The following SYT1 variants were observed in gnomAD, a reference collection of about 807,000 sequenced individuals.
SYT1 encodes the protein synaptotagmin-1.
A neutral mutation model predicts 44.8 loss-of-function variants in SYT1; 8 were observed. The ratio of observed to expected loss-of-function variants is 0.18; its 90% CI spans 0.10 to 0.32. The LOEUF (loss-of-function observed/expected upper bound fraction) is 0.32, where lower values mean the gene tolerates loss of function less well. Among genes scored for constraint, SYT1 ranks in the 10% least tolerant of loss-of-function variants. The probability of loss-of-function intolerance (pLI) is 1.00; values close to 1 mark genes in which losing one functional copy is unlikely to be tolerated. For missense variants in SYT1, 286 were observed against 509.3 expected, an observed-to-expected ratio of 0.56 and a Z score of 4.22; for synonymous variants, 154 against 188.8, an observed-to-expected ratio of 0.82 and a Z score of 1.51.
intron 1 of SYT1, among the ~76,000 whole-genome samples, chr12:78,875,273 G>T (rs73347896): frequency 0.017 from 2,567 of 151,668 alleles, 70 homozygotes; most frequent in African/African-American, 0.059. Context: ...GGCACCATTT[G>T]GATGCTGGGG....
intron 9 of SYT1, among the ~76,000 whole-genome samples, chr12:79,427,456 G>A (rs548339385): frequency 9.1e-4 from 139 of 152,312 alleles, no homozygotes; most frequent in South Asian, 6.6e-3. Flanking sequence ...CCCACTGTGT[G>A]CCATCAGGTT....
chr12:78,872,255 G>T (rs1565695362), intron 1 of SYT1, among the ~76,000 whole-genome samples: 1 of 151,308 alleles, frequency 6.6e-6, no homozygotes. Flanking sequence ...CCAACGACTT[G>T]TTTTTTTTCT....
intron 1 of SYT1, among the ~76,000 whole-genome samples, chr12:78,877,787 C>G (rs558461983): frequency 3.4e-4 from 51 of 151,748 alleles, no homozygotes; most frequent in African/African-American, 1.1e-3. Flanking sequence ...TACCACCACG[C>G]CTGGCTAATT....
chr12:79,017,850 C>T (rs1871909088), intron 2 of SYT1, among the ~76,000 whole-genome samples: 1 of 151,796 alleles, frequency 6.6e-6, no homozygotes, highest in African/African-American at 2.4e-5. Context: ...AAGCTAGCAG[C>T]CAAGAGTTTA....
chr12:79,329,934 A>T (rs1182432438), intron 8 of SYT1, among the ~76,000 whole-genome samples: 3 of 152,176 alleles, frequency 2.0e-5, no homozygotes, highest in Admixed American at 2.0e-4. Flanking sequence ...TCTTGCATTT[A>T]TCCCTCTTTT....
chr12:79,101,187 A>T (rs915084632), intron 3 of SYT1, among the ~76,000 whole-genome samples: 2 of 152,234 alleles, frequency 1.3e-5, no homozygotes, highest in African/African-American at 4.8e-5. Flanking sequence ...CACAAGCATC[A>T]TTCACAAGCC....
At chr12:79,359,078 G>C (rs1022281059) in intron 9 of SYT1, among the ~76,000 whole-genome samples, 14 of 152,142 alleles carry the variant, frequency 9.2e-5, no homozygotes, top group African/African-American at 3.4e-4. Context: ...ATTCTTCTGA[G>C]ACTTTTTTCT....
At chr12:79,333,663 GA>G (rs1209967021) in intron 8 of SYT1, among the ~76,000 whole-genome samples, 5 of 152,044 alleles carry the variant, frequency 3.3e-5, no homozygotes, top group African/African-American at 1.2e-4. Flanking sequence ...ACGCTTTTTA[GA>G]AAGGGTTATT....
At chr12:79,119,374 T>A (rs1054804538) in intron 3 of SYT1, among the ~76,000 whole-genome samples, 3 of 152,196 alleles carry the variant, frequency 2.0e-5, no homozygotes, top group Non-Finnish European at 4.4e-5. Flanking sequence ...CCCTCCTTGA[T>A]CTGGTTCACG....
At chr12:79,424,412 T>G (rs542154058) in intron 9 of SYT1, among the ~76,000 whole-genome samples, 1 of 152,262 alleles carries the variant, frequency 6.6e-6, no homozygotes, top group South Asian at 2.1e-4. Context: ...TTATTTGTAT[T>G]TGCAAAGGTT....
intron 3 of SYT1, among the ~76,000 whole-genome samples, chr12:79,202,705 G>A (rs1220173761): frequency 6.6e-6 from 1 of 152,164 alleles, no homozygotes; most frequent in Non-Finnish European, 1.5e-5. Flanking sequence ...CTTGTCCACT[G>A]CTTCCTCACT....
chr12:79,430,842 A>T (rs1869735557), intron 9 of SYT1, among the ~76,000 whole-genome samples: 3 of 152,202 alleles, frequency 2.0e-5, no homozygotes, highest in African/African-American at 7.2e-5. Flanking sequence ...TTTATACTTA[A>T]CTGGTTCATT....
At chr12:79,247,412 C>T (rs1434992454) in intron 4 of SYT1, among the ~76,000 whole-genome samples, 1 of 152,022 alleles carries the variant, frequency 6.6e-6, no homozygotes, top group African/African-American at 2.4e-5. Context: ...ACATTCTTGG[C>T]CTAGAATTAA....
intron 8 of SYT1, among the ~76,000 whole-genome samples, chr12:79,301,411 A>G (rs1014349186): frequency 2.1e-4 from 32 of 152,170 alleles, no homozygotes; most frequent in African/African-American, 6.3e-4. Context: ...GTACGAGCAG[A>G]GTTTGAAACT....
intron 1 of SYT1, among the ~76,000 whole-genome samples, chr12:78,945,941 A>G (rs1878634557): frequency 6.6e-6 from 1 of 152,152 alleles, no homozygotes; most frequent in Admixed American, 6.6e-5. Context: ...AAAGAAGTCT[A>G]GTTCAAAATA....
intron 1 of SYT1, among the ~76,000 whole-genome samples, chr12:78,936,385 A>C (rs1353095649): frequency 2.0e-5 from 3 of 152,122 alleles, no homozygotes; most frequent in Admixed American, 1.3e-4. Context: ...TGTGCTTCCT[A>C]CTATATAATT....
chr12:78,922,866 T>G (rs1877085514), intron 1 of SYT1, among the ~76,000 whole-genome samples: 1 of 151,952 alleles, frequency 6.6e-6, no homozygotes, highest in African/African-American at 2.4e-5. Context: ...CTGTTCCCAT[T>G]AAACAGATGA....
intron 9 of SYT1, among the ~76,000 whole-genome samples, chr12:79,373,045 T>C (rs1883855135): frequency 6.6e-6 from 1 of 152,304 alleles, no homozygotes; most frequent in South Asian, 2.1e-4. Context: ...ACAAGATATT[T>C]CCCTCATCCA....
chr12:79,250,982 T>TTATG (rs1877176197), intron 4 of SYT1, among the ~76,000 whole-genome samples: 1 of 152,154 alleles, frequency 6.6e-6, no homozygotes, highest in Non-Finnish European at 1.5e-5. Flanking sequence ...ACTTTTCACT[T>TTATG]TATGCTGAGT....
Sources: allele counts gnomAD v4.1 joint callset (sites outside exome capture counted in the v4.1 genomes callset), GRCh38; gene constraint gnomAD v4.1.1; transcripts MANE v1.5; gene names NCBI Gene and HGNC (gene_info 2026-07-23, HGNC 2026-07-21).